NWD1: variants seen among roughly 807,000 people sequenced by gnomAD.
The protein encoded by NWD1 is NACHT and WD repeat domain containing 1, also known as NACHT domain- and WD repeat-containing protein 1.
NWD1 carries 129 observed loss-of-function variants against 135.1 expected under a neutral mutation model. That is an observed-to-expected ratio of 0.96 (90% CI 0.83 to 1.11). The LOEUF (loss-of-function observed/expected upper bound fraction) is 1.11. NWD1 is among the 50% of genes least tolerant of loss of function. The pLI is 0.00. For synonymous variants in NWD1, 773 were observed against 786.0 expected (o/e 0.98, Z 0.28); for missense variants, 1,740 against 1,851.3 (o/e 0.94, Z 1.10).
intron 6 of NWD1, among the ~76,000 whole-genome samples, chr19:16,752,892 G>A (rs7257012): frequency 0.045 from 6,902 of 152,192 alleles, 513 homozygotes; most frequent in African/African-American, 0.16. Flanking sequence ...CCAGCTACTC[G>A]GGAGGCTGAG....
chr19:16,799,370 A>G (rs1227363441), intron 16 of NWD1, among the ~76,000 whole-genome samples: 2 of 150,074 alleles, frequency 1.3e-5, no homozygotes, highest in Non-Finnish European at 3.0e-5. Context: ...TGATTTTTGT[A>G]TTTTTAGTAG....
chr19:16,812,984 G>A, intron 18 of NWD1: 1 of 661,098 alleles, frequency 1.5e-6, no homozygotes, highest in East Asian at 2.5e-5. Flanking sequence ...GAAGGTGTCT[G>A]CAGGCAAAGG....
At chr19:16,767,982 C>CTTTTTTTTTTTT (rs963453075) in intron 10 of NWD1, among the ~76,000 whole-genome samples, 1 of 83,566 alleles carries the variant, frequency 1.2e-5, no homozygotes, top group Non-Finnish European at 2.2e-5. Context: ...AATTTCCTTC[C>CTTTTTTTTTTTT]TTTTTTTTTT....
chr19:16,792,876 CAA>C (rs1189102088), intron 14 of NWD1, among the ~76,000 whole-genome samples: 18 of 51,870 alleles, frequency 3.5e-4, no homozygotes, highest in Non-Finnish European at 4.2e-4. Flanking sequence ...AACTCCATCT[CAA>C]AAAAAAAAAA....
At chr19:16,805,008 T>A (rs535368875) in intron 17 of NWD1, among the ~76,000 whole-genome samples, 16 of 151,620 alleles carry the variant, frequency 1.1e-4, no homozygotes, top group South Asian at 8.3e-4. Flanking sequence ...TTAAAATTTT[T>A]AAAAATATTT....
Position 16,791,516 on chromosome 19 carries a change from G to A in NWD1, c.3107G>A (p.Gly1036Glu), listed in dbSNP as rs914988566. The change falls in exon 14 of 19, where the codon GGG becomes GAG. Residue 1036 changes from glycine (G) to glutamate (E), a missense_variant. Gly to Glu is a moderately conservative substitution (Grantham distance 98, BLOSUM62 -2). Transcript: ENST00000524140. ...AGCTCAGCTACGGGAAAACTTCAGG[G>A]GAAGCAACATATGTCCAGCATCAAA... Reference protein sequence around the residue: ...LWSSATGKLQGKQHMSSIKEE... With the variant: ...LWSSATGKLQEKQHMSSIKEE... 2.5e-6 allele frequency: 4 copies of A among 1,614,010 alleles called. No individual in the cohort carries two copies. The highest frequency in any genetic ancestry group is 1.7e-5 in the Admixed American group (1 of 59,970).
At position 16,751,540 on chromosome 19, in the gene NWD1, C is replaced by T. The variant is rs182916469; in HGVS notation, c.1769+1129C>T. Among the ~76,000 whole-genome samples, 561 of 149,098 alleles carry T rather than the reference C, an allele frequency of 3.8e-3. 1 individual carries two copies. The highest frequency in any genetic ancestry group is 0.02 in the Middle Eastern group (5 of 248). ...AAGAGGCCTGGCATGGTGGCTTACG[C>T]TTTTAATCGCAGCACTTTGGGAGGC... On this transcript the variant is annotated intron_variant, in intron 6 of 18. Coordinates refer to ENST00000524140, the MANE Select transcript of NWD1 (RefSeq NM_001007525.5).
rs373890312 is a variant in NWD1, at chr19:16,750,085, G to A, written c.1443G>A (p.Arg481=). ...GALGVLDTLQ[R]VLLDPEAYWE... ...TGGGGGTTTTGGACACCTTGCAGCG[G>A]GTGCTCCTGGACCCGGAGGCCTACT... The change falls in exon 6 of 19, where the codon CGG becomes CGA. Residue 481 remains arginine (R), a synonymous_variant. Transcript: ENST00000524140. 6.2e-7 allele frequency: 1 copy of A among 1,614,024 alleles called. No individual in the cohort carries two copies. The highest frequency in any genetic ancestry group is 8.5e-7 in the Non-Finnish European group (1 of 1,180,030).
intron 6 of NWD1, among the ~76,000 whole-genome samples, chr19:16,758,965 C>T (rs148829180): frequency 0.021 from 2,928 of 138,474 alleles, 92 homozygotes; most frequent in African/African-American, 0.069. Flanking sequence ...GATTGCACCA[C>T]TGCACTCCAA....
At chr19:16,809,704 G>A (rs1201509323) in intron 18 of NWD1, among the ~76,000 whole-genome samples, 2 of 151,582 alleles carry the variant, frequency 1.3e-5, no homozygotes, top group Non-Finnish European at 2.9e-5. Context: ...ACAGGTGCCC[G>A]CCACCACGCC....
intron 14 of NWD1, 134 bp from the exon 15 acceptor site, chr19:16,794,329 G>A (rs1481961062): frequency 1.8e-5 from 10 of 553,468 alleles, no homozygotes; most frequent in Admixed American, 1.2e-4. Context: ...TCATACCACC[G>A]CACTCCTGCC....
intron 6 of NWD1, among the ~76,000 whole-genome samples, chr19:16,757,793 C>T (rs1968853495): frequency 6.6e-6 from 1 of 152,156 alleles, no homozygotes; most frequent in African/African-American, 2.4e-5. Context: ...GTGGCTCACG[C>T]CTAATCCCAA....
intron 8 of NWD1, 110 bp downstream of exon 8, chr19:16,762,248 T>A: frequency 1.1e-6 from 1 of 922,894 alleles, no homozygotes; most frequent in Non-Finnish European, 1.7e-6. Flanking sequence ...GACCTACTTC[T>A]CCTTTCCGCA....
chr19:16,771,566 A>T (rs1011377178), intron 10 of NWD1, among the ~76,000 whole-genome samples: 1 of 152,220 alleles, frequency 6.6e-6, no homozygotes, highest in African/African-American at 2.4e-5. Flanking sequence ...GTAAACCTTG[A>T]TGGAGCAACT....
rs1568381206 is a variant in NWD1, at chr19:16,788,265, TAATAA to T, written c.2732-716_2732-712del. The stretch of plus-strand genomic sequence containing the variant: ...ATAATAATAATAATAATAATAATAA[TAATAA>T]TAATAATAATAATAAAAGGCCAGGC... On this transcript the variant is annotated intron_variant, in intron 12 of 18. Transcript: ENST00000524140. 3.7e-4 allele frequency among the ~76,000 whole-genome samples: 47 copies of T among 128,514 alleles called. 1 individual carries two copies. Among genetic ancestry groups the T allele is most frequent in the African/African-American group, 1.6e-3 (42 of 25,836 alleles). The allele number at this position is 128,514 out of a possible 152,430, so 84.3% of individuals were successfully genotyped here.
rs760855501 is a variant in NWD1, at chr19:16,749,627, G to A, written c.985G>A (p.Asp329Asn). 7.5e-6 allele frequency: 12 copies of A among 1,610,600 alleles called. 1 individual carries two copies. Among genetic ancestry groups the A allele is most frequent in the South Asian group, 5.5e-5 (5 of 90,834 alleles). ...CCGGCTTGGGCAGCAGCTCAGGCAC[G>A]ATGACAGCAAGCAGCACACCCCCCT... ...LARLGQQLRH[D>N]DSKQHTPLVL... is the part of the protein sequence containing the mutation. The change falls in exon 6 of 19, where the codon GAT becomes AAT. Residue 329 changes from aspartate (D) to asparagine (N), a missense_variant. Physicochemically the swap from Asp to Asn is conservative, Grantham distance 23. Coordinates refer to ENST00000524140, the MANE Select transcript of NWD1 (RefSeq NM_001007525.5).
chr19:16,762,445 C>T (rs548465709), intron 8 of NWD1, among the ~76,000 whole-genome samples: 13 of 151,590 alleles, frequency 8.6e-5, no homozygotes, highest in Non-Finnish European at 1.6e-4. Flanking sequence ...TACAGGCACC[C>T]GCCACCATGC....
chr19:16,739,530 T>G (rs1418215213), intron 4 of NWD1, among the ~76,000 whole-genome samples: 2 of 151,990 alleles, frequency 1.3e-5, no homozygotes, highest in Non-Finnish European at 2.9e-5. Context: ...CCCTGGGACC[T>G]TCCAGAAAGG....
At chr19:16,762,925 A>G (rs773851) in intron 8 of NWD1, among the ~76,000 whole-genome samples, 13,600 of 151,792 alleles carry the variant, frequency 0.09, 1,040 homozygotes, top group African/African-American at 0.21. Flanking sequence ...CTGGGACTAC[A>G]GGTGTGTGCC....
Sources: gnomAD v4.1 joint callset for allele counts (sites outside exome capture counted in the v4.1 genomes callset) on GRCh38, gnomAD v4.1.1 for gene constraint, MANE v1.5 for transcripts, NCBI Gene and HGNC (gene_info 2026-07-23, HGNC 2026-07-21) for gene names.